The following POLR3E variants were observed in gnomAD, a reference collection of about 807,000 sequenced individuals.
The protein encoded by POLR3E is RNA polymerase III subunit E, also known as DNA-directed RNA polymerase III subunit RPC5.
In POLR3E, 41 loss-of-function variants were observed where a neutral mutation model predicts 96.6. The observed-to-expected ratio is 0.42, with a 90% CI of 0.33 to 0.55. The LOEUF (loss-of-function observed/expected upper bound fraction) is 0.55, where lower values mean the gene tolerates loss of function less well. Ranked by LOEUF, POLR3E falls within the 20% of genes least tolerant of loss-of-function variation. POLR3E has a pLI of 0.06. For synonymous variants in POLR3E, 396 were observed against 383.6 expected, an observed-to-expected ratio of 1.03 and a Z score of -0.38; for missense variants, 849 against 952.1, an observed-to-expected ratio of 0.89 and a Z score of 1.43.
chr16:22,299,655 C>T (rs1417727274), intron 1 of POLR3E, among the ~76,000 whole-genome samples: 1 of 151,914 alleles, frequency 6.6e-6, no homozygotes, highest in African/African-American at 2.4e-5. Context: ...CTCAGGTGAT[C>T]CGCCTGCCTC....
chr16:22,302,916 C>T lies in POLR3E; in HGVS notation c.-38-15C>T, dbSNP rs575732785. ...TGAACGACTGATGGTCCCAGTCTCTCGCCCTCCTTTGCAGATCGAGCTGAA... is the reference window on the plus strand; with the variant it reads ...TGAACGACTGATGGTCCCAGTCTCTTGCCCTCCTTTGCAGATCGAGCTGAA... On this transcript the variant is annotated splice_polypyrimidine_tract_variant and intron_variant, in intron 1 of 20. Transcript: ENST00000299853. 7 of 1,553,634 alleles carry T rather than the reference C, an allele frequency of 4.5e-6. No individual in the cohort carries two copies. In the South Asian group the frequency reaches 5.6e-5, roughly 12 times the overall value.
At chr16:22,317,309 C>G (rs1440458682) in intron 12 of POLR3E, 103 bp downstream of exon 12, 1 of 804,872 alleles carries the variant, frequency 1.2e-6, no homozygotes, top group Admixed American at 2.2e-5. Flanking sequence ...CCAGAGGCCC[C>G]TGCTGCCCAC....
At chr16:22,323,077 T>G in intron 14 of POLR3E, 146 bp downstream of exon 14, 4 of 579,442 alleles carry the variant, frequency 6.9e-6, no homozygotes, top group Non-Finnish European at 1.2e-5. Flanking sequence ...TTTCTCCTCC[T>G]TCCTCTCAGA....
intron 3 of POLR3E, chr16:22,305,519 C>T (rs1260642911): frequency 3.5e-6 from 2 of 572,796 alleles, no homozygotes; most frequent in African/African-American, 1.8e-5. Context: ...CCTTCTGTGC[C>T]TCACTTTCCT....
At chr16:22,319,227 C>A (rs1167579125) in intron 13 of POLR3E, among the ~76,000 whole-genome samples, 1 of 151,818 alleles carries the variant, frequency 6.6e-6, no homozygotes, top group African/African-American at 2.4e-5. Context: ...CCCACCTCGA[C>A]CTCCCAATGT....
At chr16:22,326,554 G>GC (rs1392294707) in intron 18 of POLR3E, 15 of 534,276 alleles carry the variant, frequency 2.8e-5, no homozygotes, top group African/African-American at 7.6e-5. Flanking sequence ...GTGAAACAGG[G>GC]CCCCTGCCTG....
chr16:22,304,340 T>C (rs929121285), intron 2 of POLR3E, among the ~76,000 whole-genome samples: 1 of 152,094 alleles, frequency 6.6e-6, no homozygotes, highest in Non-Finnish European at 1.5e-5. Flanking sequence ...GCTAAGTTAT[T>C]AGATGTGAGT....
At chr16:22,298,533 G>A (rs955080292) in intron 1 of POLR3E, among the ~76,000 whole-genome samples, 5 of 152,160 alleles carry the variant, frequency 3.3e-5, no homozygotes, top group African/African-American at 1.2e-4. Context: ...ACTCAGGTGG[G>A]TCACAGATGC....
chr16:22,328,441 G>C (rs1267893089), intron 18 of POLR3E, 69 bp from the exon 19 acceptor site: 2 of 1,303,434 alleles, frequency 1.5e-6, no homozygotes, highest in Admixed American at 1.7e-5. Flanking sequence ...CAGACAGGGA[G>C]GGATGAGGCA....
rs1042114691 is a variant in POLR3E, at chr16:22,318,286, G to T, written c.866-540G>T. On this transcript the variant is annotated intron_variant, in intron 12 of 20. Transcript: ENST00000299853. This position sits in a 1 kb window ranked among gnomAD's most constrained non-coding sequence, Gnocchi z 5.0. ...TTTTTGTATTTTTAGTAGAGATGGG[G>T]TTTCGCCTTGTTGGCCAGGCTAGTC... Among the ~76,000 whole-genome samples the T allele has an allele frequency of 1.3e-5, 2 of 152,146 alleles. No homozygotes were observed. Among genetic ancestry groups the T allele is most frequent in the African/African-American group, 4.8e-5 (2 of 41,444 alleles).
Position 22,318,939 on chromosome 16 carries a change from GTGAAGAGGTAAGTTGCT to G in POLR3E, c.981_986+11del. 6.2e-7 allele frequency: 1 copy of G among 1,605,766 alleles called. No individual in the cohort carries two copies. The highest frequency in any genetic ancestry group is 8.5e-7 in the Non-Finnish European group (1 of 1,176,412). ...GATGTTGGTCCAAGGGAACTGGGTG[GTGAAGAGGTAAGTTGCT>G]TTTTTTATTTTTTATTTTTATTTAT... On this transcript the variant is annotated splice_donor_variant and splice_donor_5th_base_variant and coding_sequence_variant and intron_variant, in exon 13 of 21. Transcript: ENST00000299853. LOFTEE classifies it high-confidence loss of function. This position sits in a 1 kb window ranked among gnomAD's most constrained non-coding sequence, Gnocchi z 5.0.
intron 19 of POLR3E, chr16:22,328,840 TAC>T: frequency 2.2e-6 from 1 of 448,984 alleles, no homozygotes; most frequent in Admixed American, 3.4e-5. Flanking sequence ...TTTTAAAAAA[TAC>T]AGGCTGGGCG....
At chr16:22,328,766 T>C (rs186074845) in intron 19 of POLR3E, 179 bp downstream of exon 19, 389 of 598,258 alleles carry the variant, frequency 6.5e-4, no homozygotes, top group African/African-American at 5.2e-3. Context: ...TATGTGCCAA[T>C]AGTTTGAACC....
chr16:22,316,448 G>C (rs542760604), intron 9 of POLR3E, among the ~76,000 whole-genome samples, 153 bp from the exon 10 acceptor site: 13 of 152,326 alleles, frequency 8.5e-5, no homozygotes, highest in Admixed American at 7.2e-4. Context: ...ATGAGTGGCT[G>C]AGGCCACGTC....
chr16:22,330,150 G>A (rs894456128), intron 19 of POLR3E, among the ~76,000 whole-genome samples: 3 of 151,278 alleles, frequency 2.0e-5, no homozygotes, highest in African/African-American at 2.4e-5. Flanking sequence ...CTCAGCTCAC[G>A]CCTCTTGCGT....
chr16:22,315,413 G>A (rs1213586051), intron 9 of POLR3E, among the ~76,000 whole-genome samples: 1 of 152,226 alleles, frequency 6.6e-6, no homozygotes, highest in African/African-American at 2.4e-5. Flanking sequence ...AAAGATGCGA[G>A]TCCTTGGTTC....
chr16:22,321,072 G>A (rs971959189), intron 13 of POLR3E, among the ~76,000 whole-genome samples: 1 of 152,034 alleles, frequency 6.6e-6, no homozygotes, highest in Non-Finnish European at 1.5e-5. Flanking sequence ...GTTTCTCTTC[G>A]GCGAATCCTC....
rs573046577 is a variant in POLR3E, at chr16:22,299,440, G to A, written c.-39+1903G>A. 3.5e-5 allele frequency among the ~76,000 whole-genome samples: 5 copies of A among 142,458 alleles called. No homozygotes were observed. In the South Asian group the frequency reaches 9.0e-4, roughly 26 times the overall value. The allele number at this position is 142,458 out of a possible 152,430, so 93.5% of individuals were successfully genotyped here. On this transcript the variant is annotated intron_variant, in intron 1 of 20. Transcript: ENST00000299853. ...TTTTTTTTTTTTTTTTTGAGATGGA[G>A]TCTTGTTCCGTTGCCCAGACTAGAG...
intron 3 of POLR3E, among the ~76,000 whole-genome samples, chr16:22,307,232 G>A (rs2048152100): frequency 6.6e-6 from 1 of 152,172 alleles, no homozygotes; most frequent in African/African-American, 2.4e-5. Flanking sequence ...TGTGATTTCA[G>A]AACCTGCGCC....
Sources: allele counts gnomAD v4.1 joint callset (sites outside exome capture counted in the v4.1 genomes callset), GRCh38; gene constraint gnomAD v4.1.1; non-coding constraint Gnocchi (gnomAD v3.1); transcripts MANE v1.5; gene names NCBI Gene and HGNC (gene_info 2026-07-23, HGNC 2026-07-21).